Variants in C2orf92 observed in about 807,000 individuals in gnomAD.
C2orf92 encodes chromosome 2 open reading frame 92, also known as uncharacterized protein C2orf92.
intron 3 of C2orf92, among the ~76,000 whole-genome samples, chr2:97,680,940 A>G (rs1216746148): frequency 2.7e-5 from 4 of 150,252 alleles, no homozygotes; most frequent in Non-Finnish European, 4.4e-5. Context: ...AAAAACAAAA[A>G]CCAAAAAACC....
intron 3 of C2orf92, among the ~76,000 whole-genome samples, chr2:97,683,597 C>A (rs1303493952): frequency 6.6e-6 from 1 of 150,904 alleles, no homozygotes; most frequent in Non-Finnish European, 1.5e-5. Context: ...TCAATATAAT[C>A]CCTATCAAAA....
intron 3 of C2orf92, among the ~76,000 whole-genome samples, chr2:97,683,074 C>T (rs150474923): frequency 4.2e-4 from 33 of 78,402 alleles, no homozygotes; most frequent in Admixed American, 9.4e-4. Context: ...ACCATATAGA[C>T]TCCACACACA....
intron 5 of C2orf92, among the ~76,000 whole-genome samples, chr2:97,696,326 G>A (rs1435768550): frequency 6.6e-6 from 1 of 152,132 alleles, no homozygotes; most frequent in African/African-American, 2.4e-5. Flanking sequence ...AGCTGAGGGG[G>A]CTGATCAGAT....
chr2:97,700,398 C>G (rs965815766), intron 6 of C2orf92, among the ~76,000 whole-genome samples: 3 of 152,128 alleles, frequency 2.0e-5, no homozygotes, highest in African/African-American at 7.2e-5. Context: ...TATATCACTG[C>G]CCTGTGAAAA....
chr2:97,689,511 A>T (rs1238013663), intron 4 of C2orf92, among the ~76,000 whole-genome samples: 2 of 152,238 alleles, frequency 1.3e-5, no homozygotes, highest in Non-Finnish European at 2.9e-5. Context: ...GCAGCTTCAT[A>T]TTATGGGAAA....
intron 5 of C2orf92, chr2:97,698,125 C>T (rs1676367604): frequency 6.6e-6 from 1 of 152,214 alleles, no homozygotes; most frequent in Non-Finnish European, 1.5e-5. Context: ...CATTACTTCT[C>T]ATCCTTTCCC....
chr2:97,684,261 C>T (rs924040199), intron 3 of C2orf92, among the ~76,000 whole-genome samples: 2 of 151,838 alleles, frequency 1.3e-5, no homozygotes, highest in Non-Finnish European at 2.9e-5. Context: ...GGTTTCGATC[C>T]CCTGACCTCG....
Position 97,691,532 on chromosome 2 carries a change from A to C in C2orf92, c.403+1205A>C, listed in dbSNP as rs140176454. Among the ~76,000 whole-genome samples the C allele has an allele frequency of 1.7e-3, 256 of 152,326 alleles. 1 individual carries two copies. Among genetic ancestry groups the C allele is most frequent in the Non-Finnish European group, 2.6e-3 (174 of 68,026 alleles). ...ACAGGATGAGCAGCTAGAATCCATG[A>C]AGCATTTCTCCCCTAGAAAGACTTA... On this transcript the variant is annotated intron_variant, in intron 5 of 7. Transcript: ENST00000627399.
chr2:97,665,615 G>C (rs1035666355), upstream of C2orf92, among the ~76,000 whole-genome samples: 1 of 150,890 alleles, frequency 6.6e-6, no homozygotes, highest in Admixed American at 6.6e-5. Context: ...TGGGCTGACA[G>C]CATAACAAAA....
At chr2:97,674,957 G>A (rs769789329) in intron 2 of C2orf92, among the ~76,000 whole-genome samples, 1 of 152,126 alleles carries the variant, frequency 6.6e-6, no homozygotes, top group African/African-American at 2.4e-5. Context: ...CCAAGTCACC[G>A]GCTTGGGAGA....
At chr2:97,667,485 T>C (rs1460182029), upstream of C2orf92, among the ~76,000 whole-genome samples, 2 of 146,764 alleles carry the variant, frequency 1.4e-5, no homozygotes, top group Admixed American at 7.1e-5. Flanking sequence ...CAGGCTGGAG[T>C]GCAGTGGTGC....
At chr2:97,685,512 G>C (rs112616125) in intron 3 of C2orf92, among the ~76,000 whole-genome samples, 2 of 151,532 alleles carry the variant, frequency 1.3e-5, no homozygotes, top group Non-Finnish European at 1.5e-5. Context: ...TGATCTTCCC[G>C]CTTTGGCCTC....
chr2:97,672,225 C>T (rs1161527786), intron 1 of C2orf92: 1 of 151,246 alleles, frequency 6.6e-6, no homozygotes, highest in Non-Finnish European at 1.5e-5. Flanking sequence ...TGATGCTTCC[C>T]CCCGGGTTAG....
At chr2:97,679,854 G>GA (rs953587399) in intron 3 of C2orf92, among the ~76,000 whole-genome samples, 1 of 120,292 alleles carries the variant, frequency 8.3e-6, no homozygotes, top group Non-Finnish European at 1.9e-5. Context: ...AAAAAAAAAA[G>GA]AAAAAAAAGA....
intron 5 of C2orf92, among the ~76,000 whole-genome samples, chr2:97,696,704 C>T (rs1676316843): frequency 6.6e-6 from 1 of 152,188 alleles, no homozygotes; most frequent in Non-Finnish European, 1.5e-5. Context: ...CCACTACACT[C>T]CAGCCTGGGG....
At chr2:97,676,621 A>G (rs1675594798) in intron 3 of C2orf92, among the ~76,000 whole-genome samples, 1 of 151,492 alleles carries the variant, frequency 6.6e-6, no homozygotes, top group Admixed American at 6.6e-5. Flanking sequence ...ACACACGACA[A>G]ATTAGCCAAG....
At chr2:97,673,096 A>G (rs559236873) in intron 1 of C2orf92, among the ~76,000 whole-genome samples, 10 of 152,316 alleles carry the variant, frequency 6.6e-5, no homozygotes, top group East Asian at 5.8e-4. Context: ...TATAGAATCT[A>G]TTCTGCTTTG....
chr2:97,675,986 C>T (rs1675564451), intron 3 of C2orf92, 58 bp downstream of exon 3: 2 of 398,868 alleles, frequency 5.0e-6, no homozygotes, highest in Non-Finnish European at 8.8e-6. Context: ...GCATGCTTGT[C>T]CCTGGTTGTC....
At chr2:97,685,926 C>T (rs1270790391) in intron 3 of C2orf92, among the ~76,000 whole-genome samples, 1 of 152,084 alleles carries the variant, frequency 6.6e-6, no homozygotes, top group Non-Finnish European at 1.5e-5. Context: ...AAATTGAAAC[C>T]CTCATACATT....
Sources: allele counts gnomAD v4.1 joint callset (sites outside exome capture counted in the v4.1 genomes callset), GRCh38; gene constraint gnomAD v4.1.1; transcripts MANE v1.5; gene names NCBI Gene and HGNC (gene_info 2026-07-23, HGNC 2026-07-21).